VAV2: variants seen among roughly 807,000 people sequenced by gnomAD.
VAV2 encodes guanine nucleotide exchange factor VAV2.
Under a neutral mutation model 132.5 loss-of-function variants are expected in VAV2, and 67 were observed. The observed-to-expected ratio is 0.51, with a 90% CI of 0.42 to 0.62. VAV2 has a LOEUF of 0.62. VAV2 is among the 20% of genes least tolerant of loss of function. The pLI is 0.00. For missense variants in VAV2, 938 were observed against 1,153.6 expected (o/e 0.81, Z 2.71); for synonymous variants, 492 against 443.5 (o/e 1.11, Z -1.37).
chr9:133,789,659 G>A (rs1225785314), intron 13 of VAV2, among the ~76,000 whole-genome samples: 3 of 151,574 alleles, frequency 2.0e-5, no homozygotes, highest in Non-Finnish European at 4.4e-5. Context: ...GCTGTGTGGA[G>A]CCCCAAGCGG....
At chr9:133,933,437 G>GTGGA (rs1313141430) in intron 2 of VAV2, among the ~76,000 whole-genome samples, 1 of 151,696 alleles carries the variant, frequency 6.6e-6, no homozygotes, top group African/African-American at 2.4e-5. Context: ...TGGATGAATG[G>GTGGA]TGGATGGATG....
intron 3 of VAV2, among the ~76,000 whole-genome samples, chr9:133,837,572 G>A (rs147783105): frequency 0.024 from 3,645 of 152,122 alleles, 132 homozygotes; most frequent in African/African-American, 0.082. Context: ...GGTGGTGGGC[G>A]CCTGTAATCC....
At chr9:133,812,975 G>A (rs1328699274) in intron 4 of VAV2, among the ~76,000 whole-genome samples, 2 of 152,192 alleles carry the variant, frequency 1.3e-5, no homozygotes, top group African/African-American at 4.8e-5. Context: ...CTCTGTGAGT[G>A]GCAGCGGATG....
chr9:133,985,322 C>T (rs760141124), intron 1 of VAV2, among the ~76,000 whole-genome samples: 4 of 151,962 alleles, frequency 2.6e-5, no homozygotes, highest in African/African-American at 9.7e-5. Flanking sequence ...CACTCTGTCA[C>T]CCAGGCTGGA....
intron 2 of VAV2, among the ~76,000 whole-genome samples, chr9:133,934,215 T>C (rs75497590): frequency 1.2e-4 from 1 of 8,206 alleles, no homozygotes; most frequent in Non-Finnish European, 2.0e-3. Flanking sequence ...ATGAGAGACT[T>C]GGGGAGCCGG....
chr9:133,918,554 G>A lies in VAV2; in HGVS notation c.321+20549C>T, dbSNP rs954569735. 2.0e-5 allele frequency among the ~76,000 whole-genome samples: 3 copies of A among 150,348 alleles called. No homozygotes were observed. The highest frequency in any genetic ancestry group is 5.0e-5 in the African/African-American group (2 of 40,044). ...CCAAGTCCTTCACGGCAGCTCATTC[G>A]TTCCTGCCTCACAACTCCACGTGGC... is the stretch of plus-strand genomic sequence containing the variant. On this transcript the variant is annotated intron_variant, in intron 2 of 29. Transcript: ENST00000371850. This position sits in a 1 kb window ranked among gnomAD's most constrained non-coding sequence, Gnocchi z 4.7.
chr9:133,946,384 G>GA (rs776616878), intron 1 of VAV2, among the ~76,000 whole-genome samples: 74 of 152,346 alleles, frequency 4.9e-4, no homozygotes, highest in Non-Finnish European at 6.8e-4. Flanking sequence ...CCACAGCCCT[G>GA]AAAGCAACAG....
At chr9:133,853,643 G>A (rs1231319097) in intron 3 of VAV2, among the ~76,000 whole-genome samples, 4 of 151,992 alleles carry the variant, frequency 2.6e-5, no homozygotes, top group African/African-American at 4.8e-5. Flanking sequence ...GCACCAAAGC[G>A]CTTCCCCACC....
intron 3 of VAV2, among the ~76,000 whole-genome samples, chr9:133,850,454 A>C (rs1461352575): frequency 6.6e-6 from 1 of 152,210 alleles, no homozygotes; most frequent in Non-Finnish European, 1.5e-5. Context: ...AGAACAAGGC[A>C]CCAATAGAAT....
intron 2 of VAV2, among the ~76,000 whole-genome samples, chr9:133,930,507 G>A (rs1218806819): frequency 6.6e-6 from 1 of 152,198 alleles, no homozygotes; most frequent in African/African-American, 2.4e-5. Flanking sequence ...CGTCTTCCGT[G>A]CGCCTTCCAT....
chr9:133,768,804 C>G lies in VAV2; in HGVS notation c.2435-208G>C, dbSNP rs1833521278. 6.6e-6 allele frequency among the ~76,000 whole-genome samples: 1 copy of G among 152,162 alleles called. No individual in the cohort carries two copies. Among genetic ancestry groups the G allele is most frequent in the Non-Finnish European group, 1.5e-5 (1 of 68,022 alleles). On this transcript the variant is annotated intron_variant, in intron 28 of 29. Coordinates refer to ENST00000371850, the MANE Select transcript of VAV2 (RefSeq NM_001134398.2). The surrounding 1 kb of genome is among the most constrained non-coding windows in gnomAD (Gnocchi z 5.3). ...TTGCCCTCTGGGTCTGGGGACACAG[C>G]ACATCCAAGTCCCTGCAATGAGGAT...
chr9:133,777,528 T>C, intron 22 of VAV2, 65 bp from the exon 23 acceptor site: 1 of 1,496,546 alleles, frequency 6.7e-7, no homozygotes, highest in Non-Finnish European at 9.3e-7. Context: ...TGTGGGGCCA[T>C]TTAGACGGAC....
chr9:133,958,082 CCT>C, intron 1 of VAV2, among the ~76,000 whole-genome samples: 1 of 143,342 alleles, frequency 7.0e-6, no homozygotes, highest in East Asian at 2.1e-4. Flanking sequence ...GCCGCAGGGA[CCT>C]CTGCCTAGGA....
intron 2 of VAV2, among the ~76,000 whole-genome samples, chr9:133,889,737 A>C (rs1043835139): frequency 7.1e-6 from 1 of 139,882 alleles, no homozygotes; most frequent in Non-Finnish European, 1.6e-5. Context: ...TTTGTTCAGA[A>C]GACATTTCAT....
chr9:133,861,580 G>C (rs1224955697), intron 2 of VAV2, 148 bp from the exon 3 acceptor site: 2 of 837,542 alleles, frequency 2.4e-6, no homozygotes, highest in Non-Finnish European at 3.5e-6. Context: ...CGTTTTGTAG[G>C]CTAGACACTT....
At chr9:133,837,495 G>A (rs189799355) in intron 3 of VAV2, among the ~76,000 whole-genome samples, 2,467 of 152,136 alleles carry the variant, frequency 0.016, 33 homozygotes, top group Middle Eastern at 0.031. Context: ...TCAGAAGTTC[G>A]AGACCAACCT....
intron 3 of VAV2, among the ~76,000 whole-genome samples, chr9:133,842,301 C>T (rs933350556): frequency 3.3e-5 from 5 of 152,234 alleles, no homozygotes; most frequent in Non-Finnish European, 5.9e-5. Flanking sequence ...TGCCAAGGAC[C>T]GTGTTCACCA....
At chr9:133,872,316 C>G (rs921651143) in intron 2 of VAV2, among the ~76,000 whole-genome samples, 11 of 152,260 alleles carry the variant, frequency 7.2e-5, no homozygotes, top group African/African-American at 2.7e-4. Flanking sequence ...GCACCCACGT[C>G]CTCCATGTTT....
intron 2 of VAV2, among the ~76,000 whole-genome samples, chr9:133,864,146 C>G (rs1837706951): frequency 6.6e-6 from 1 of 152,204 alleles, no homozygotes; most frequent in South Asian, 2.1e-4. Context: ...GTTCCGAGTC[C>G]CAGTTAACAA....
Sources: gnomAD v4.1 joint callset for allele counts (sites outside exome capture counted in the v4.1 genomes callset) on GRCh38, gnomAD v4.1.1 for gene constraint, Gnocchi (gnomAD v3.1) non-coding constraint, MANE v1.5 for transcripts, NCBI Gene and HGNC (gene_info 2026-07-23, HGNC 2026-07-21) for gene names.